APOL3: variants seen among roughly 807,000 people sequenced by gnomAD.
The protein encoded by APOL3 is apolipoprotein L3.
A neutral mutation model predicts 11.6 loss-of-function variants in APOL3; 14 were observed. That is an observed-to-expected ratio of 1.21 (90% confidence interval 0.80 to 1.89). APOL3 has a LOEUF of 1.89. Among genes scored for constraint, APOL3 ranks in the 40% most tolerant of loss-of-function variants. The pLI, the probability that APOL3 is intolerant of heterozygous loss-of-function variation, is 0.00. For synonymous variants in APOL3, 192 were observed against 190.6 expected, an observed-to-expected ratio of 1.01 and a Z score of -0.06; for missense variants, 483 against 492.1, an observed-to-expected ratio of 0.98 and a Z score of 0.17.
upstream of APOL3, chr22:36,164,530 A>C (rs1230101666): frequency 6.6e-6 from 1 of 152,172 alleles, no homozygotes; most frequent in Non-Finnish European, 1.5e-5. Context: ...TCACACTTGT[A>C]CCCTATTTTC....
chr22:36,143,546 G>T (rs922630343), intron 2 of APOL3, among the ~76,000 whole-genome samples: 2 of 152,188 alleles, frequency 1.3e-5, no homozygotes, highest in Non-Finnish European at 2.9e-5. Flanking sequence ...ACCTCAGACT[G>T]GAAGAGATCA....
intron 1 of APOL3, among the ~76,000 whole-genome samples, chr22:36,150,169 C>T (rs1447286237): frequency 6.6e-6 from 1 of 152,022 alleles, no homozygotes; most frequent in Non-Finnish European, 1.5e-5. Context: ...TTGTGATGAT[C>T]TTGCCTTGGG....
intron 2 of APOL3, among the ~76,000 whole-genome samples, chr22:36,143,602 C>G (rs188752488): frequency 0.014 from 2,075 of 152,320 alleles, 22 homozygotes; most frequent in Admixed American, 0.022. Context: ...GCCCTTTGAT[C>G]TTCTGACTGA....
At chr22:36,164,349 C>T (rs2013806033), upstream of APOL3, among the ~76,000 whole-genome samples, 1 of 152,150 alleles carries the variant, frequency 6.6e-6, no homozygotes, top group Non-Finnish European at 1.5e-5. Flanking sequence ...AGGGTCGAGC[C>T]CACAGTCAAT....
intron 2 of APOL3, 119 bp downstream of exon 3, chr22:36,145,354 T>C (rs2060153594): frequency 2.3e-6 from 3 of 1,307,916 alleles, no homozygotes; most frequent in South Asian, 1.4e-5. Flanking sequence ...AGAGGGACAT[T>C]CTCAAGTTCA....
At chr22:36,142,957 C>T (rs2060055408) in intron 2 of APOL3, among the ~76,000 whole-genome samples, 1 of 152,352 alleles carries the variant, frequency 6.6e-6, no homozygotes, top group South Asian at 2.1e-4. Context: ...TCACGGTCTT[C>T]ACCCGCTCCT....
At chr22:36,149,185 C>A (rs151071747) in intron 1 of APOL3, 43 bp from the exon 2 acceptor site, 1 of 1,336,228 alleles carries the variant, frequency 7.5e-7, no homozygotes, top group East Asian at 5.0e-5. Flanking sequence ...ATGTGAGCCA[C>A]CTGTGGACAG....
At chr22:36,160,627 G>C (rs772575339) in intron 1 of APOL3, 42 bp downstream of exon 1, 2 of 1,595,906 alleles carry the variant, frequency 1.3e-6, no homozygotes, top group Non-Finnish European at 1.7e-6. Flanking sequence ...GAGCTGCTGT[G>C]AGGATGGGGA....
intron 2 of APOL3, among the ~76,000 whole-genome samples, chr22:36,144,055 C>G (rs2060097660): frequency 6.6e-6 from 1 of 152,114 alleles, no homozygotes; most frequent in African/African-American, 2.4e-5. Flanking sequence ...AGAAGAGGGT[C>G]CCAAATGGCA....
intron 2 of APOL3, among the ~76,000 whole-genome samples, chr22:36,144,813 T>C (rs931429212): frequency 1.3e-5 from 2 of 151,754 alleles, no homozygotes; most frequent in African/African-American, 4.8e-5. Context: ...ATCAAGACCA[T>C]CCTGGCTAAC....
intron 1 of APOL3, among the ~76,000 whole-genome samples, chr22:36,147,023 A>G (rs1018626763): frequency 1.2e-4 from 19 of 152,238 alleles, no homozygotes; most frequent in African/African-American, 3.1e-4. Context: ...CAGACAGCGA[A>G]AGACACCACC....
chr22:36,161,043 G>T, upstream of APOL3: 1 of 671,312 alleles, frequency 1.5e-6, no homozygotes. Context: ...AAGACTATGA[G>T]ACCCTCCAGA....
chr22:36,146,692 C>G (rs12161090), intron 1 of APOL3, among the ~76,000 whole-genome samples: 10,848 of 152,062 alleles, frequency 0.071, 1,281 homozygotes, highest in African/African-American at 0.25. Flanking sequence ...ACCACTCCCA[C>G]ACTGGTCAAC....
chr22:36,152,924 C>A (rs1245234508), intron 1 of APOL3, among the ~76,000 whole-genome samples: 1 of 152,162 alleles, frequency 6.6e-6, no homozygotes, highest in Non-Finnish European at 1.5e-5. Context: ...GCCTGACCAA[C>A]ATGGAGCAAC....
At position 36,160,129 on chromosome 22, in the gene APOL3, C is replaced by A. The variant is rs545570089; in HGVS notation, c.223+540G>T. On this transcript the variant is annotated intron_variant, in intron 1 of 2. Coordinates refer to ENST00000349314, the Ensembl canonical transcript of APOL3. ...AACTCCTAACCTCAAGTGATCTACC[C>A]GTCTCGGCCTCTCAAAGTGCTGGGA... is the stretch of plus-strand genomic sequence containing the variant. Among the ~76,000 whole-genome samples, 2 of 152,134 alleles carry A rather than the reference C, an allele frequency of 1.3e-5. 1 individual carries two copies. Among genetic ancestry groups the A allele is most frequent in the South Asian group, 4.1e-4 (2 of 4,826 alleles).
chr22:36,142,615 TG>T (rs1489375636), intron 2 of APOL3, among the ~76,000 whole-genome samples: 1 of 152,152 alleles, frequency 6.6e-6, no homozygotes, highest in East Asian at 1.9e-4. Flanking sequence ...TGATGGGTTT[TG>T]GGGCTATTAC....
chr22:36,153,543 T>C (rs1249809502), intron 1 of APOL3: 1 of 384,016 alleles, frequency 2.6e-6, no homozygotes, highest in Non-Finnish European at 5.3e-6. Context: ...CCACTCAACA[T>C]ACGGGCTTCT....
chr22:36,157,125 G>A (rs375966340), intron 1 of APOL3: 1 of 414,900 alleles, frequency 2.4e-6, no homozygotes, highest in Non-Finnish European at 4.9e-6. Context: ...TATTACTTTT[G>A]TACGAGGAGA....
At chr22:36,141,183 G>A (rs1335926872) in exon 3 of APOL3, 2 of 1,605,132 alleles carry the variant, frequency 1.2e-6, no homozygotes, top group Admixed American at 3.4e-5. Context: ...TCCCCTGCTG[G>A]CTGCACTGGT....
Sources: gnomAD v4.1 joint callset for allele counts (sites outside exome capture counted in the v4.1 genomes callset) on GRCh38, gnomAD v4.1.1 for gene constraint, MANE v1.5 for transcripts, NCBI Gene and HGNC (gene_info 2026-07-23, HGNC 2026-07-21) for gene names.